Variants in DNM3 observed in about 807,000 individuals in gnomAD.
DNM3 encodes the protein dynamin 3, also known as dynamin-3.
Under a neutral mutation model 101.6 loss-of-function variants are expected in DNM3, and 47 were observed. The ratio of observed to expected loss-of-function variants is 0.46; its 90% CI spans 0.37 to 0.59. The LOEUF (loss-of-function observed/expected upper bound fraction) is 0.59. Among genes scored for constraint, DNM3 ranks in the 20% least tolerant of loss-of-function variants. The pLI is 0.00. For synonymous variants in DNM3, 385 were observed against 387.9 expected (o/e 0.99, Z 0.09); for missense variants, 849 against 1,085.7 (o/e 0.78, Z 3.06).
intron 11 of DNM3, among the ~76,000 whole-genome samples, chr1:172,080,910 G>A (rs557584211): frequency 1.3e-4 from 20 of 152,270 alleles, no homozygotes; most frequent in African/African-American, 4.8e-4. Context: ...CTTCCTGGGT[G>A]AGGCAATGCC....
chr1:172,228,883 T>G lies in DNM3; in HGVS notation c.1660-24690T>G, dbSNP rs2061234594. The stretch of plus-strand genomic sequence containing the variant: ...GGAGTGCAGTCCCACAAGTTGAGTC[T>G]AAAGTGTGAAAATAAATTTTTTAAA... On this transcript the variant is annotated intron_variant, in intron 14 of 20. Transcript: ENST00000627582. Among the ~76,000 whole-genome samples the G allele has an allele frequency of 2.6e-5, 4 of 152,284 alleles. No homozygotes were observed. In the South Asian group the frequency reaches 8.3e-4, roughly 32 times the overall value.
chr1:172,074,729 G>T (rs2052499166), intron 11 of DNM3, among the ~76,000 whole-genome samples: 1 of 152,126 alleles, frequency 6.6e-6, no homozygotes, highest in Non-Finnish European at 1.5e-5. Context: ...ATGGCATTTT[G>T]GTTGGTTCCA....
intron 18 of DNM3, chr1:172,386,800 T>C (rs2069203937): frequency 8.1e-6 from 2 of 248,336 alleles, no homozygotes; most frequent in Non-Finnish European, 1.6e-5. Flanking sequence ...CCTTCCCTCT[T>C]CTATAAGCCA....
chr1:172,213,212 A>G (rs915896364), intron 14 of DNM3, among the ~76,000 whole-genome samples: 1 of 152,114 alleles, frequency 6.6e-6, no homozygotes, highest in African/African-American at 2.4e-5. Context: ...GGCCCCTTGC[A>G]CACAAACCAA....
chr1:172,397,751 A>AT (rs35586435), intron 20 of DNM3, among the ~76,000 whole-genome samples: 8 of 150,862 alleles, frequency 5.3e-5, no homozygotes, highest in African/African-American at 7.3e-5. Context: ...TATAGATTTC[A>AT]TTTTTTTTTT....
At chr1:172,028,437 T>C (rs1192022345) in intron 4 of DNM3, among the ~76,000 whole-genome samples, 6 of 152,200 alleles carry the variant, frequency 3.9e-5, no homozygotes, top group African/African-American at 1.2e-4. Flanking sequence ...GAGGAAGTTA[T>C]AGCACTAAAT....
chr1:172,186,300 A>G (rs2148415593), intron 14 of DNM3, among the ~76,000 whole-genome samples: 1 of 152,214 alleles, frequency 6.6e-6, no homozygotes, highest in Admixed American at 6.6e-5. Flanking sequence ...GTGGAGATAT[A>G]ACCCAGAAAG....
chr1:172,126,996 T>C (rs2056662759), intron 13 of DNM3, among the ~76,000 whole-genome samples: 1 of 152,166 alleles, frequency 6.6e-6, no homozygotes, highest in Non-Finnish European at 1.5e-5. Context: ...ATTACGCTGA[T>C]TGTGTCCCTG....
At chr1:171,918,193 G>A (rs1443000352) in intron 1 of DNM3, among the ~76,000 whole-genome samples, 3 of 152,150 alleles carry the variant, frequency 2.0e-5, no homozygotes, top group African/African-American at 7.2e-5. Flanking sequence ...ACACACTGTG[G>A]CTGTGTTATA....
At chr1:172,315,360 CACCAGCA>C (rs1268388018) in intron 16 of DNM3, among the ~76,000 whole-genome samples, 1 of 152,194 alleles carries the variant, frequency 6.6e-6, no homozygotes, top group African/African-American at 2.4e-5. Flanking sequence ...CGCAGTTCCT[CACCAGCA>C]ACGGAACAAA....
chr1:171,860,196 T>C (rs1248302137), intron 1 of DNM3, among the ~76,000 whole-genome samples: 5 of 152,136 alleles, frequency 3.3e-5, no homozygotes, highest in African/African-American at 9.7e-5. Context: ...TACTGAGAAA[T>C]TGAATTTCCA....
intron 12 of DNM3, among the ~76,000 whole-genome samples, chr1:172,083,705 T>A (rs1373582902): frequency 6.6e-6 from 1 of 152,180 alleles, no homozygotes; most frequent in East Asian, 1.9e-4. Context: ...TTGAAACTTT[T>A]TTTTTCTATG....
At chr1:171,923,404 A>G (rs2040331242) in intron 2 of DNM3, among the ~76,000 whole-genome samples, 4 of 152,144 alleles carry the variant, frequency 2.6e-5, no homozygotes, top group African/African-American at 2.4e-5. Context: ...TATATTAAAT[A>G]CAAGTCCCAT....
In DNM3 at chr1:171,936,359, A is replaced by AAAAG. The variant is rs3051605; in HGVS notation, c.235+14551_235+14554dup. On this transcript the variant is annotated intron_variant, in intron 2 of 20. Coordinates refer to ENST00000627582, the MANE Select transcript of DNM3 (RefSeq NM_015569.5). The stretch of plus-strand genomic sequence containing the variant: ...GAGTGAGACTCTGTCTCAAAAAAAG[A>AAAAG]AAAGAAAGAAAGAAAGTTACTGTTG... 1.8e-4 allele frequency among the ~76,000 whole-genome samples: 27 copies of AAAAG among 150,712 alleles called. No homozygotes were observed. In the South Asian group the frequency reaches 2.5e-3, roughly 14 times the overall value.
intron 1 of DNM3, among the ~76,000 whole-genome samples, chr1:171,890,466 T>G (rs1571441294): frequency 6.6e-6 from 1 of 152,318 alleles, no homozygotes; most frequent in East Asian, 1.9e-4. Context: ...TAAAACTGAC[T>G]TTAAAATATG....
At chr1:172,233,769 A>T (rs2061429204) in intron 14 of DNM3, among the ~76,000 whole-genome samples, 1 of 152,220 alleles carries the variant, frequency 6.6e-6, no homozygotes, top group South Asian at 2.1e-4. Context: ...CCAGCATATA[A>T]ACAGAACCAA....
intron 2 of DNM3, among the ~76,000 whole-genome samples, chr1:171,978,211 C>T (rs74924790): frequency 0.053 from 8,055 of 152,018 alleles, 704 homozygotes; most frequent in African/African-American, 0.18. Flanking sequence ...AAAACAAATA[C>T]GAAAAACTTC....
At chr1:171,907,217 C>T (rs1463974395) in intron 1 of DNM3, among the ~76,000 whole-genome samples, 7 of 152,174 alleles carry the variant, frequency 4.6e-5, no homozygotes, top group Non-Finnish European at 1.0e-4. Flanking sequence ...TCAGGCCGGG[C>T]GCAGTGGCTC....
intron 1 of DNM3, among the ~76,000 whole-genome samples, chr1:171,894,408 T>G (rs1320342629): frequency 6.6e-6 from 1 of 152,052 alleles, no homozygotes; most frequent in Non-Finnish European, 1.5e-5. Context: ...TTTATTTTAT[T>G]TTATTTATTT....
Sources: gnomAD v4.1 joint callset for allele counts (sites outside exome capture counted in the v4.1 genomes callset) on GRCh38, gnomAD v4.1.1 for gene constraint, MANE v1.5 for transcripts, NCBI Gene and HGNC (gene_info 2026-07-23, HGNC 2026-07-21) for gene names.